Variants in SLC30A3 observed in about 807,000 individuals in gnomAD.
SLC30A3 encodes solute carrier family 30 member 3.
A neutral mutation model predicts 35.6 loss-of-function variants in SLC30A3; 20 were observed. That is an observed-to-expected ratio of 0.56 (90% CI 0.39 to 0.82). The LOEUF (loss-of-function observed/expected upper bound fraction) is 0.82, where lower values mean the gene tolerates loss of function less well. Among genes scored for constraint, SLC30A3 ranks in the 40% least tolerant of loss-of-function variants. The pLI is 0.00. For missense variants in SLC30A3, 401 were observed against 530.6 expected, an observed-to-expected ratio of 0.76 and a Z score of 2.40; for synonymous variants, 217 against 224.7, an observed-to-expected ratio of 0.97 and a Z score of 0.31.
upstream of SLC30A3, among the ~76,000 whole-genome samples, chr2:27,267,168 A>G (rs558857311): frequency 5.2e-4 from 79 of 152,094 alleles, no homozygotes; most frequent in African/African-American, 1.9e-3. Flanking sequence ...CGACTCCTCT[A>G]TTTTCACTCT....
Position 27,254,459 on chromosome 2 carries a change from G to A in SLC30A3, c.*853C>T, listed in dbSNP as rs2148112833. 6.5e-6 allele frequency: 1 copy of A among 153,002 alleles called. No individual in the cohort carries two copies. The highest frequency in any genetic ancestry group is 1.5e-5 in the Non-Finnish European group (1 of 68,252). The allele number at this position is 153,002 out of a possible 1,614,324, so 9.5% of individuals were successfully genotyped here. ...GGGTGGAGGGGCTGGGAAGGGACAG[G>A]AGGTCTGTGGGAGGTCACTCCAGAG... On this transcript the variant is annotated 3_prime_UTR_variant, in exon 8 of 8. Transcript: ENST00000233535.
chr2:27,262,945 G>C lies in SLC30A3; in HGVS notation c.-39C>G. The C allele has an allele frequency of 6.7e-7, 1 of 1,495,018 alleles. No homozygotes were observed. Among genetic ancestry groups the C allele is most frequent in the Non-Finnish European group, 8.8e-7 (1 of 1,133,172 alleles). 92.6% of individuals were successfully genotyped at this position (1,495,018 alleles called of 1,614,324 possible). A position where few individuals can be genotyped will look rare whatever the true frequency, so the allele number is the denominator to read the frequency against. On this transcript the variant is annotated 5_prime_UTR_variant, in exon 1 of 8. Transcript: ENST00000233535. The surrounding 1 kb of genome is among the most constrained non-coding windows in gnomAD (Gnocchi z 7.5). ...CGACCGTCTAGGCCCCACCGAGGAA[G>C]AGAGAGGCCGGGCCGGCCCCGCGCC... is the stretch of plus-strand genomic sequence containing the variant.
rs1022755195 is a variant in SLC30A3 at position 27,255,115 on chromosome 2, C to G, written c.*197G>C. 8 of 1,534,274 alleles carry G rather than the reference C, an allele frequency of 5.2e-6. No homozygotes were observed. Among genetic ancestry groups the G allele is most frequent in the African/African-American group, 1.4e-5 (1 of 73,250 alleles). On this transcript the variant is annotated 3_prime_UTR_variant, in exon 8 of 8. Transcript: ENST00000233535. This position sits in a 1 kb window ranked among gnomAD's most constrained non-coding sequence, Gnocchi z 5.2. Reference sequence around the variant, plus strand: ...TCACATCTATTCCCCTGACTCCCACCCCACTCCCCGCCACACTTTGGTCTT... The same window carrying G: ...TCACATCTATTCCCCTGACTCCCACGCCACTCCCCGCCACACTTTGGTCTT...
intron 1 of SLC30A3, among the ~76,000 whole-genome samples, chr2:27,259,690 G>T (rs1243593826): frequency 6.6e-6 from 1 of 152,166 alleles, no homozygotes. Context: ...AGAGGCATGA[G>T]GCTCACAGAG....
chr2:27,275,475 C>T, upstream of SLC30A3: 2 of 339,708 alleles, frequency 5.9e-6, no homozygotes, highest in South Asian at 4.4e-5. Context: ...GCGCAGTCAA[C>T]TGCTGGACCC....
chr2:27,266,526 AG>A (rs1677501383), upstream of SLC30A3, among the ~76,000 whole-genome samples: 1 of 152,190 alleles, frequency 6.6e-6, no homozygotes, highest in African/African-American at 2.4e-5. Flanking sequence ...TGATTGTTGA[AG>A]CTAGATTCTG....
At chr2:27,275,020 G>A (rs1183380719) in intron 1 of SLC30A3, among the ~76,000 whole-genome samples, 1 of 152,236 alleles carries the variant, frequency 6.6e-6, no homozygotes, top group Non-Finnish European at 1.5e-5. Flanking sequence ...GAGAGTGAAT[G>A]ATGGAGTGTC....
Position 27,258,864 on chromosome 2 carries a change from G to C in SLC30A3, c.166C>G (p.His56Asp), listed in dbSNP as rs772263743. Residue 56 changes from histidine (H) to aspartate (D), a missense_variant, in exon 2 of 8, where the codon CAC becomes GAC. This residue lies in a region of SLC30A3 where 103 missense variants were observed against 120.7 expected (regional missense o/e 0.85). Transcript: ENST00000233535. The surrounding 1 kb of genome is among the most constrained non-coding windows in gnomAD (Gnocchi z 4.0). Reference protein sequence around the residue: ...KPVEMPFHHCHRDPLPPPGLT... With the variant: ...KPVEMPFHHCDRDPLPPPGLT... Reference sequence around the variant, plus strand: ...CCCGGCGGCGGAAGGGGGTCCCTGTGGCAGTGGTGGAAGGGCATCTCCACA... The same window carrying C: ...CCCGGCGGCGGAAGGGGGTCCCTGTCGCAGTGGTGGAAGGGCATCTCCACA... 24 of 1,614,014 alleles carry C rather than the reference G, an allele frequency of 1.5e-5. No individual in the cohort carries two copies. Among genetic ancestry groups the C allele is most frequent in the Non-Finnish European group, 2.0e-5 (24 of 1,180,000 alleles).
chr2:27,266,060 CTTT>C (rs1237606332), upstream of SLC30A3, among the ~76,000 whole-genome samples: 8 of 136,652 alleles, frequency 5.9e-5, no homozygotes, highest in Admixed American at 7.4e-5. Context: ...CTGTTTTGTT[CTTT>C]TTTTTTTTTT....
At chr2:27,270,439 A>T (rs1677683482) in intron 1 of SLC30A3, among the ~76,000 whole-genome samples, 1 of 152,068 alleles carries the variant, frequency 6.6e-6, no homozygotes, top group Non-Finnish European at 1.5e-5. Context: ...GCATGGAAAG[A>T]CACCAATAAC....
intron 1 of SLC30A3, among the ~76,000 whole-genome samples, chr2:27,261,277 T>C (rs1343898087): frequency 6.6e-6 from 1 of 152,060 alleles, no homozygotes; most frequent in East Asian, 1.9e-4. Flanking sequence ...GAGATGACCT[T>C]GCTGATGGGA....
upstream of SLC30A3, among the ~76,000 whole-genome samples, chr2:27,264,863 C>T (rs1289397844): frequency 6.6e-6 from 1 of 152,248 alleles, no homozygotes; most frequent in African/African-American, 2.4e-5. This position sits in a 1 kb window ranked among gnomAD's most constrained non-coding sequence, Gnocchi z 6.1. Context: ...ACCCAAGTCC[C>T]TGCTTAGCTA....
In SLC30A3 at chr2:27,273,035, C is replaced by T. The variant is rs1386028300; in HGVS notation, c.-159+2142G>A. 4.6e-5 allele frequency among the ~76,000 whole-genome samples: 6 copies of T among 130,288 alleles called. No homozygotes were observed. The South Asian group carries it at 1.4e-3, about 30-fold the overall frequency. The allele number at this position is 130,288 out of a possible 152,430, so 85.5% of individuals were successfully genotyped here. A position where few individuals can be genotyped will look rare whatever the true frequency, so the allele number is the denominator to read the frequency against. On this transcript the variant is annotated intron_variant, in intron 1 of 5. Transcript: ENST00000424577. ...ACTGCACTCCAGACTAAGACCTTGTCTCAAAAAAAAAAAAAAATATATATA... is the reference window on the plus strand; with the variant it reads ...ACTGCACTCCAGACTAAGACCTTGTTTCAAAAAAAAAAAAAAATATATATA...
upstream of SLC30A3, among the ~76,000 whole-genome samples, chr2:27,264,379 C>G (rs976337155): frequency 6.6e-6 from 1 of 152,206 alleles, no homozygotes; most frequent in Non-Finnish European, 1.5e-5. This position sits in a 1 kb window ranked among gnomAD's most constrained non-coding sequence, Gnocchi z 6.1. Flanking sequence ...GGAGCACGTG[C>G]CAGATACAGT....
At chr2:27,260,867 G>GA (rs1332792222) in intron 1 of SLC30A3, among the ~76,000 whole-genome samples, 2 of 152,326 alleles carry the variant, frequency 1.3e-5, no homozygotes, top group African/African-American at 4.8e-5. Context: ...ATGGCGTGGT[G>GA]AAGGAGGCTG....
chr2:27,260,555 CCT>C (rs1314511234), intron 1 of SLC30A3, among the ~76,000 whole-genome samples: 2 of 152,046 alleles, frequency 1.3e-5, no homozygotes, highest in Non-Finnish European at 2.9e-5. Context: ...GAATTCAGGA[CCT>C]GAATAGAAAA....
intron 1 of SLC30A3, among the ~76,000 whole-genome samples, chr2:27,268,755 C>A (rs1677604448): frequency 6.6e-6 from 1 of 151,606 alleles, no homozygotes; most frequent in African/African-American, 2.4e-5. Flanking sequence ...CACTTTAGGA[C>A]AATAGTAGAC....
intron 1 of SLC30A3, among the ~76,000 whole-genome samples, chr2:27,272,247 A>C (rs1677753333): frequency 6.6e-6 from 1 of 152,148 alleles, no homozygotes; most frequent in African/African-American, 2.4e-5. Context: ...CTTGTCTAGG[A>C]CCATATGAGG....
At position 27,262,968 on chromosome 2, in the gene SLC30A3, G is replaced by A. The variant is rs890697089; in HGVS notation, c.-62C>T. On this transcript the variant is annotated 5_prime_UTR_variant, in exon 1 of 8. Transcript: ENST00000233535. The surrounding 1 kb of genome is among the most constrained non-coding windows in gnomAD (Gnocchi z 7.5). ...AAGAGAGAGGCCGGGCCGGCCCCGC[G>A]CCAAGTCCGAGCAGCCCGCCGACCC... is the stretch of plus-strand genomic sequence containing the variant. 1.2e-5 allele frequency: 17 copies of A among 1,447,618 alleles called. No individual in the cohort carries two copies. The highest frequency in any genetic ancestry group is 1.4e-5 in the Non-Finnish European group (16 of 1,109,270). The allele number at this position is 1,447,618 out of a possible 1,614,324, so 89.7% of individuals were successfully genotyped here. A position where few individuals can be genotyped will look rare whatever the true frequency, so the allele number is the denominator to read the frequency against.
Sources: allele counts gnomAD v4.1 joint callset (sites outside exome capture counted in the v4.1 genomes callset), GRCh38; gene constraint gnomAD v4.1.1; regional missense constraint gnomAD v4.1.1; non-coding constraint Gnocchi (gnomAD v3.1); transcripts MANE v1.5; gene names NCBI Gene and HGNC (gene_info 2026-07-23, HGNC 2026-07-21).